The following WDR70 variants were observed in gnomAD, a reference collection of about 807,000 sequenced individuals.
The protein encoded by WDR70 is WD repeat-containing protein 70.
A neutral mutation model predicts 88.6 loss-of-function variants in WDR70; 53 were observed. The observed-to-expected ratio is 0.60, with a 90% CI of 0.48 to 0.75. WDR70 has a LOEUF of 0.75. Ranked by LOEUF, WDR70 falls within the 30% of genes least tolerant of loss-of-function variation. The probability of loss-of-function intolerance (pLI) is 0.00; values close to 1 mark genes in which losing one functional copy is unlikely to be tolerated. For synonymous variants in WDR70, 280 were observed against 270.0 expected (o/e 1.04, Z -0.36); for missense variants, 610 against 823.2 (o/e 0.74, Z 3.17).
At chr5:37,427,367 C>T (rs1391385742) in intron 5 of WDR70, among the ~76,000 whole-genome samples, 2 of 149,328 alleles carry the variant, frequency 1.3e-5, no homozygotes, top group Non-Finnish European at 3.0e-5. Context: ...CCGGCCTGGG[C>T]GAAAGAGCGA....
intron 9 of WDR70, among the ~76,000 whole-genome samples, chr5:37,584,180 G>A (rs1743298639): frequency 6.6e-6 from 1 of 152,218 alleles, no homozygotes; most frequent in Non-Finnish European, 1.5e-5. Flanking sequence ...AGATGGTAAA[G>A]TGCTTTTAGA....
At chr5:37,491,230 C>T (rs922581102) in intron 8 of WDR70, among the ~76,000 whole-genome samples, 4 of 152,136 alleles carry the variant, frequency 2.6e-5, no homozygotes, top group Non-Finnish European at 5.9e-5. Context: ...CTGTGCCTTG[C>T]TTTCTTCAGT....
rs570049339 is a variant in WDR70 at position 37,630,584 on chromosome 5, A to C, written c.1092+25346A>C. On this transcript the variant is annotated intron_variant, in intron 10 of 17. Transcript: ENST00000265107. ...GCTAGCCCAAGGATGGATTTGTCCT[A>C]GGCAGGACTGGTAGGCTTTTAGTGC... Among the ~76,000 whole-genome samples, 11 of 152,268 alleles carry C rather than the reference A, an allele frequency of 7.2e-5. No individual in the cohort carries two copies. In the South Asian group the frequency reaches 2.1e-3, roughly 29 times the overall value.
chr5:37,446,824 A>T (rs924973798), intron 7 of WDR70, among the ~76,000 whole-genome samples: 5 of 152,308 alleles, frequency 3.3e-5, no homozygotes, highest in African/African-American at 1.2e-4. Context: ...TTAGACCTAA[A>T]ACCATAAAAA....
At chr5:37,673,002 T>C (rs1746075604) in intron 10 of WDR70, among the ~76,000 whole-genome samples, 1 of 152,026 alleles carries the variant, frequency 6.6e-6, no homozygotes, top group South Asian at 2.1e-4. Flanking sequence ...TTCACCCAGG[T>C]ATTAAGCCTA....
intron 9 of WDR70, among the ~76,000 whole-genome samples, chr5:37,599,899 G>GAA (rs57341673): frequency 8.0e-5 from 11 of 137,686 alleles, no homozygotes; most frequent in African/African-American, 2.5e-4. Flanking sequence ...TCTCAAAAAA[G>GAA]AAAAAAAAAA....
chr5:37,703,125 T>C (rs1161321578), intron 13 of WDR70, 38 bp downstream of exon 13: 1 of 1,581,658 alleles, frequency 6.3e-7, no homozygotes, highest in South Asian at 1.1e-5. Context: ...TGAGAATACA[T>C]AAAGTTTGCC....
chr5:37,394,774 A>G (rs1287362472), intron 4 of WDR70, among the ~76,000 whole-genome samples: 1 of 152,174 alleles, frequency 6.6e-6, no homozygotes, highest in Non-Finnish European at 1.5e-5. Flanking sequence ...CTTGTTGTGA[A>G]CCAAACTTAA....
At chr5:37,525,052 C>G (rs986340322) in intron 9 of WDR70, among the ~76,000 whole-genome samples, 3 of 152,118 alleles carry the variant, frequency 2.0e-5, no homozygotes, top group Admixed American at 2.0e-4. Flanking sequence ...ACCCCACTGT[C>G]AATATTAGAT....
At chr5:37,685,536 G>A (rs1348395484) in intron 10 of WDR70, among the ~76,000 whole-genome samples, 1 of 152,128 alleles carries the variant, frequency 6.6e-6, no homozygotes, top group Non-Finnish European at 1.5e-5. Context: ...GGGTACTCAG[G>A]TCAGACCAGC....
chr5:37,436,284 G>A (rs940860624), intron 5 of WDR70, among the ~76,000 whole-genome samples: 10 of 152,146 alleles, frequency 6.6e-5, no homozygotes, highest in African/African-American at 2.4e-4. Context: ...TCTGTTAGGA[G>A]TTTGAAACCA....
intron 10 of WDR70, among the ~76,000 whole-genome samples, chr5:37,646,387 A>G (rs963693045): frequency 6.6e-6 from 1 of 152,084 alleles, no homozygotes; most frequent in African/African-American, 2.4e-5. Context: ...GGTACTTTTC[A>G]TACCACAATT....
At chr5:37,653,855 GGTCT>G (rs1362296022) in intron 10 of WDR70, among the ~76,000 whole-genome samples, 22 of 152,082 alleles carry the variant, frequency 1.4e-4, no homozygotes, top group Non-Finnish European at 2.1e-4. Flanking sequence ...TCTAGCTAGT[GGTCT>G]GTCTATTTTG....
chr5:37,552,136 A>G (rs1176758122), intron 9 of WDR70, among the ~76,000 whole-genome samples: 1 of 152,064 alleles, frequency 6.6e-6, no homozygotes. Flanking sequence ...ACAACTTTGT[A>G]GGTTTGTTGC....
intron 8 of WDR70, chr5:37,506,257 A>T: frequency 2.2e-6 from 2 of 922,794 alleles, no homozygotes; most frequent in Non-Finnish European, 3.6e-6. Context: ...TCCTTTCGAG[A>T]TATTGGTGAA....
At chr5:37,583,137 A>C (rs1743266813) in intron 9 of WDR70, among the ~76,000 whole-genome samples, 4 of 152,148 alleles carry the variant, frequency 2.6e-5, no homozygotes, top group Non-Finnish European at 5.9e-5. Flanking sequence ...GTTATTTAAG[A>C]GAATAGAGGC....
chr5:37,608,627 C>T (rs1169198850), intron 10 of WDR70, among the ~76,000 whole-genome samples: 1 of 151,820 alleles, frequency 6.6e-6, no homozygotes, highest in Non-Finnish European at 1.5e-5. Flanking sequence ...ATGATTACAA[C>T]TCACTGTGTG....
chr5:37,422,078 T>C (rs1337581345), intron 5 of WDR70, among the ~76,000 whole-genome samples: 3 of 152,048 alleles, frequency 2.0e-5, no homozygotes, highest in African/African-American at 7.2e-5. Flanking sequence ...GAATGGTTAA[T>C]ACTGAGGGTA....
intron 9 of WDR70, among the ~76,000 whole-genome samples, chr5:37,585,645 C>T (rs975027986): frequency 6.6e-6 from 1 of 152,078 alleles, no homozygotes; most frequent in Admixed American, 6.6e-5. Flanking sequence ...GTGAAAAATA[C>T]CATCATTCTG....
Sources: allele counts gnomAD v4.1 joint callset (sites outside exome capture counted in the v4.1 genomes callset), GRCh38; gene constraint gnomAD v4.1.1; transcripts MANE v1.5; gene names NCBI Gene and HGNC (gene_info 2026-07-23, HGNC 2026-07-21).